The following KIAA0930 variants were observed in gnomAD, a reference collection of about 807,000 sequenced individuals.
KIAA0930 encodes the protein KIAA0930, also known as uncharacterized protein KIAA0930.
In KIAA0930, 24 loss-of-function variants were observed where a neutral mutation model predicts 43.9. The observed-to-expected ratio is 0.55, with a 90% CI of 0.40 to 0.77. KIAA0930 has a LOEUF of 0.77. KIAA0930 is among the 30% of genes least tolerant of loss of function. The pLI is 0.00. For synonymous variants in KIAA0930, 259 were observed against 216.4 expected, an observed-to-expected ratio of 1.20 and a Z score of -1.73; for missense variants, 461 against 574.2, an observed-to-expected ratio of 0.80 and a Z score of 2.02.
Position 45,197,875 on chromosome 22 carries a change from C to G in KIAA0930, c.1089G>C (p.Trp363Cys). The G allele has an allele frequency of 6.2e-7, 1 of 1,614,214 alleles. No individual in the cohort carries two copies. Among genetic ancestry groups the G allele is most frequent in the Non-Finnish European group, 8.5e-7 (1 of 1,180,010 alleles). ...TTCCATCTGCTCTGTTCAGCTTCAGCCAGGACCCGACCAGGGACCGTCCTG... is the reference window on the plus strand; with the variant it reads ...TTCCATCTGCTCTGTTCAGCTTCAGGCAGGACCCGACCAGGGACCGTCCTG... ...SGTGRSLVGS[W>C]LKLNRADGNF... The change falls in exon 9 of 10, where the codon TGG (tryptophan) becomes TGC (cysteine). Residue 363 changes from tryptophan (W) to cysteine (C), a missense_variant. By Grantham distance (215) the Trp-to-Cys change is radical (BLOSUM62 -2). Transcript: ENST00000336156.
chr22:45,222,552 G>A (rs568887994), intron 1 of KIAA0930, among the ~76,000 whole-genome samples: 7 of 152,036 alleles, frequency 4.6e-5, no homozygotes, highest in Admixed American at 2.6e-4. Flanking sequence ...CAAGCAATCC[G>A]CTTGCCTTGG....
intron 1 of KIAA0930, 147 bp from the exon 2 acceptor site, chr22:45,212,254 C>A (rs1197980011): frequency 3.7e-6 from 6 of 1,612,922 alleles, no homozygotes; most frequent in Non-Finnish European, 4.2e-6. Context: ...CTCACCACTC[C>A]CGACCCCCAC....
intron 1 of KIAA0930, among the ~76,000 whole-genome samples, chr22:45,228,800 T>G (rs140353814): frequency 2.6e-5 from 1 of 37,784 alleles, no homozygotes; most frequent in Non-Finnish European, 5.0e-5. Flanking sequence ...AACACTCACC[T>G]GAGAGATCCC....
Position 45,199,889 on chromosome 22 carries a change from C to A in KIAA0930, c.999G>T (p.Arg333=). ...GGGGGTCACCTCCACCGTCGTCCTC[C>A]CGGAAGAACTCCTCGCTGTCGTTGG... ...HSANDSEEFF[R]EDDGGADLHN... The change falls in exon 8 of 10, where the codon CGG becomes CGT. Residue 333 remains arginine, a synonymous_variant. Transcript: ENST00000336156. 1 of 1,588,450 alleles carries A rather than the reference C, an allele frequency of 6.3e-7. No homozygotes were observed. The highest frequency in any genetic ancestry group is 8.6e-7 in the Non-Finnish European group (1 of 1,162,788).
At chr22:45,203,687 G>C (rs2083610097) in intron 6 of KIAA0930, among the ~76,000 whole-genome samples, 158 bp downstream of exon 6, 1 of 152,168 alleles carries the variant, frequency 6.6e-6, no homozygotes. Context: ...AAGAGGACCA[G>C]GGAGCGCCTA....
At chr22:45,215,984 C>T (rs1307638593) in intron 1 of KIAA0930, among the ~76,000 whole-genome samples, 2 of 151,580 alleles carry the variant, frequency 1.3e-5, no homozygotes, top group Admixed American at 6.6e-5. Context: ...GCCGAGATCG[C>T]GCCACTGCTC....
rs1382303692 is a variant in KIAA0930, at chr22:45,234,738, A to G, written c.64+5902T>C. On this transcript the variant is annotated intron_variant, in intron 1 of 9. Transcript: ENST00000336156. ...GCTATGTTTCCAACCACATGAGACC[A>G]ATTAAGTAAATCACGGCATTGCCCA... 2.0e-5 allele frequency among the ~76,000 whole-genome samples: 3 copies of G among 152,254 alleles called. No homozygotes were observed. In the East Asian group the frequency reaches 5.8e-4, roughly 29 times the overall value.
intron 7 of KIAA0930, among the ~76,000 whole-genome samples, chr22:45,202,098 G>A (rs757152457): frequency 1.3e-5 from 2 of 152,258 alleles, no homozygotes; most frequent in African/African-American, 2.4e-5. Context: ...AGCAGAGCAG[G>A]ATTCTGGCTG....
intron 6 of KIAA0930, among the ~76,000 whole-genome samples, 200 bp downstream of exon 6, chr22:45,203,645 A>G (rs1412550049): frequency 2.6e-5 from 4 of 152,288 alleles, no homozygotes; most frequent in Non-Finnish European, 2.9e-5. Context: ...AGTGGCCCGC[A>G]TGGGCTGAGG....
chr22:45,219,542 C>T (rs1159935478), intron 1 of KIAA0930, among the ~76,000 whole-genome samples: 1 of 148,090 alleles, frequency 6.8e-6, no homozygotes, highest in Non-Finnish European at 1.5e-5. Context: ...AGAACTATCT[C>T]CCAAAAAAGT....
chr22:45,220,572 T>G (rs1223221990), intron 1 of KIAA0930, among the ~76,000 whole-genome samples: 1 of 152,058 alleles, frequency 6.6e-6, no homozygotes, highest in African/African-American at 2.4e-5. Context: ...CAACACGCAT[T>G]CTTGATTTTT....
At chr22:45,206,205 T>C (rs1276507304) in intron 2 of KIAA0930, among the ~76,000 whole-genome samples, 1 of 152,120 alleles carries the variant, frequency 6.6e-6, no homozygotes, top group Non-Finnish European at 1.5e-5. Context: ...TTTGTAGATG[T>C]GGCGTTTCGC....
At chr22:45,215,029 G>A (rs2083722870) in intron 1 of KIAA0930, among the ~76,000 whole-genome samples, 1 of 152,154 alleles carries the variant, frequency 6.6e-6, no homozygotes, top group Admixed American at 6.5e-5. Flanking sequence ...ACCAGCCTGA[G>A]CAACATGGTG....
chr22:45,202,195 T>G (rs1238976102), intron 7 of KIAA0930, among the ~76,000 whole-genome samples: 2 of 152,252 alleles, frequency 1.3e-5, no homozygotes, highest in Non-Finnish European at 1.5e-5. Flanking sequence ...ACACCTGTAC[T>G]CTTCCAAGAA....
chr22:45,211,231 A>G, intron 2 of KIAA0930: 1 of 391,698 alleles, frequency 2.6e-6, no homozygotes, highest in East Asian at 3.6e-5. Flanking sequence ...CGGCCCTCTC[A>G]TTTCTTGTTT....
chr22:45,219,590 T>TG (rs1367653578), intron 1 of KIAA0930, among the ~76,000 whole-genome samples: 4 of 135,578 alleles, frequency 3.0e-5, no homozygotes, highest in East Asian at 2.1e-4. Context: ...TTGTTTTTTT[T>TG]TTTTTTTTTT....
chr22:45,210,945 C>A (rs911933308), intron 2 of KIAA0930, among the ~76,000 whole-genome samples: 1 of 152,096 alleles, frequency 6.6e-6, no homozygotes, highest in Non-Finnish European at 1.5e-5. Context: ...TCTTGGGGTG[C>A]CCTCCCCTCT....
chr22:45,212,962 G>A (rs2083707561), intron 1 of KIAA0930, among the ~76,000 whole-genome samples: 1 of 152,130 alleles, frequency 6.6e-6, no homozygotes, highest in Admixed American at 6.5e-5. Context: ...ATGCAGCCAA[G>A]CTCTCTCTTA....
intron 1 of KIAA0930, chr22:45,213,245 G>T: frequency 8.4e-7 from 1 of 1,183,918 alleles, no homozygotes; most frequent in Non-Finnish European, 1.1e-6. Context: ...CTCACAGCCA[G>T]CCCCAGCCCT....
Sources: allele counts gnomAD v4.1 joint callset (sites outside exome capture counted in the v4.1 genomes callset), GRCh38; gene constraint gnomAD v4.1.1; transcripts MANE v1.5; gene names NCBI Gene and HGNC (gene_info 2026-07-23, HGNC 2026-07-21).